Variants in PRKG1 observed in about 807,000 individuals in gnomAD.
The protein encoded by PRKG1 is protein kinase cGMP-dependent 1.
PRKG1 carries 35 observed loss-of-function variants against 88.1 expected under a neutral mutation model. The observed-to-expected ratio is 0.40, with a 90% CI of 0.30 to 0.53. PRKG1 has a LOEUF of 0.53. PRKG1 is among the 20% of genes least tolerant of loss of function. PRKG1 has a pLI of 0.59. For missense variants in PRKG1, 540 were observed against 839.8 expected (o/e 0.64, Z 4.41); for synonymous variants, 303 against 292.5 (o/e 1.04, Z -0.37).
chr10:51,784,703 C>T lies in PRKG1; in HGVS notation c.593-19882C>T, dbSNP rs112923087. Among the ~76,000 whole-genome samples the T allele has an allele frequency of 2.5e-3, 373 of 152,154 alleles. 4 individuals carry two copies. Among genetic ancestry groups the T allele is most frequent in the African/African-American group, 8.7e-3 (361 of 41,520 alleles). ...CATGCTTTATTCAGGCATTCACCTACAATATGATTACAGTATTGAACTTCC... is the reference window on the plus strand; with the variant it reads ...CATGCTTTATTCAGGCATTCACCTATAATATGATTACAGTATTGAACTTCC... On this transcript the variant is annotated intron_variant, in intron 3 of 17. Transcript: ENST00000373980.
At chr10:52,017,004 A>G (rs1287036543) in intron 5 of PRKG1, among the ~76,000 whole-genome samples, 2 of 152,178 alleles carry the variant, frequency 1.3e-5, no homozygotes, top group Admixed American at 1.3e-4. Context: ...ATAGTAGACA[A>G]AAAGACATGT....
At chr10:51,904,647 CTT>C (rs1176549674) in intron 4 of PRKG1, among the ~76,000 whole-genome samples, 1 of 151,992 alleles carries the variant, frequency 6.6e-6, no homozygotes, top group African/African-American at 2.4e-5. Flanking sequence ...AAATGGTTTT[CTT>C]TTTGTGAAGT....
At chr10:52,248,002 C>A (rs1216895786) in intron 9 of PRKG1, among the ~76,000 whole-genome samples, 4 of 152,202 alleles carry the variant, frequency 2.6e-5, no homozygotes, top group African/African-American at 9.6e-5. Context: ...CTAAAAGTAT[C>A]CCTTATGGGA....
intron 4 of PRKG1, among the ~76,000 whole-genome samples, chr10:51,888,408 C>T (rs982594007): frequency 1.3e-5 from 2 of 152,232 alleles, no homozygotes; most frequent in Non-Finnish European, 2.9e-5. Flanking sequence ...TCCCATCATA[C>T]TGTACTGTGA....
chr10:51,034,836 G>A (rs1034463578), intron 1 of PRKG1, among the ~76,000 whole-genome samples: 1 of 151,600 alleles, frequency 6.6e-6, no homozygotes, highest in Non-Finnish European at 1.5e-5. Flanking sequence ...ACAAAAGACT[G>A]ATATTGGGAG....
At chr10:52,262,049 G>A (rs1366491429) in intron 10 of PRKG1, among the ~76,000 whole-genome samples, 1 of 151,994 alleles carries the variant, frequency 6.6e-6, no homozygotes, top group East Asian at 1.9e-4. Flanking sequence ...AATTTAAACA[G>A]GTAGATTTGT....
intron 3 of PRKG1, among the ~76,000 whole-genome samples, chr10:51,573,181 T>C (rs10998253): frequency 0.074 from 11,188 of 151,790 alleles, 1,381 homozygotes; most frequent in African/African-American, 0.25. Flanking sequence ...GCATCCAGAT[T>C]AACAAAGAAC....
chr10:51,736,916 G>A (rs1232312496), intron 3 of PRKG1, among the ~76,000 whole-genome samples: 1 of 151,554 alleles, frequency 6.6e-6, no homozygotes, highest in Non-Finnish European at 1.5e-5. Context: ...GATTACAGAT[G>A]TGAGCCACAC....
chr10:51,014,304 C>T (rs577603950), intron 1 of PRKG1, among the ~76,000 whole-genome samples: 1 of 146,796 alleles, frequency 6.8e-6, no homozygotes, highest in South Asian at 2.2e-4. Context: ...GCTACTCCTG[C>T]ATGCAGGCAT....
intron 1 of PRKG1, among the ~76,000 whole-genome samples, chr10:51,135,624 G>A (rs990800367): frequency 4.6e-5 from 7 of 151,996 alleles, no homozygotes; most frequent in Admixed American, 2.6e-4. Flanking sequence ...ATGATAAGAC[G>A]GTGCATCAGC....
At chr10:52,106,222 A>G (rs1255047999) in intron 7 of PRKG1, among the ~76,000 whole-genome samples, 1 of 152,156 alleles carries the variant, frequency 6.6e-6, no homozygotes, top group Non-Finnish European at 1.5e-5. Flanking sequence ...TCCAGCACTG[A>G]ATTGGACCTG....
chr10:52,191,099 T>A (rs1220344370), intron 9 of PRKG1, among the ~76,000 whole-genome samples: 2 of 152,212 alleles, frequency 1.3e-5, no homozygotes, highest in Non-Finnish European at 2.9e-5. Context: ...ATGTTGGTTA[T>A]GTCTCTTTAG....
intron 2 of PRKG1, among the ~76,000 whole-genome samples, chr10:51,374,940 C>T (rs1355066864): frequency 6.6e-6 from 1 of 152,120 alleles, no homozygotes; most frequent in Non-Finnish European, 1.5e-5. Context: ...ATGTGGGCCT[C>T]TCCATATGGC....
chr10:51,218,263 G>T (rs766610791), intron 2 of PRKG1, among the ~76,000 whole-genome samples: 106 of 151,886 alleles, frequency 7.0e-4, no homozygotes, highest in Non-Finnish European at 1.1e-3. Flanking sequence ...TAACAAAAAC[G>T]TTGCTCTAAG....
At chr10:51,623,915 G>A (rs540427054) in intron 3 of PRKG1, among the ~76,000 whole-genome samples, 1 of 152,128 alleles carries the variant, frequency 6.6e-6, no homozygotes, top group East Asian at 1.9e-4. Context: ...AATTTCTATT[G>A]TTCTTATGCT....
At chr10:51,136,382 G>A (rs576813087) in intron 1 of PRKG1, among the ~76,000 whole-genome samples, 41 of 152,138 alleles carry the variant, frequency 2.7e-4, no homozygotes, top group African/African-American at 9.9e-4. Context: ...GCTAGGGTGT[G>A]AGATATAGAT....
intron 5 of PRKG1, among the ~76,000 whole-genome samples, chr10:52,022,957 T>G (rs1304903546): frequency 6.6e-6 from 1 of 152,138 alleles, no homozygotes; most frequent in Non-Finnish European, 1.5e-5. Flanking sequence ...GGGGTACATG[T>G]GCAGAACATG....
intron 9 of PRKG1, among the ~76,000 whole-genome samples, chr10:52,242,592 C>CT (rs1438256648): frequency 2.0e-5 from 3 of 152,036 alleles, no homozygotes; most frequent in African/African-American, 7.2e-5. Context: ...ATTCATGGAC[C>CT]TTTTTTAGAA....
At chr10:51,281,789 TGTGA>T (rs1349758643) in intron 2 of PRKG1, among the ~76,000 whole-genome samples, 254 of 152,260 alleles carry the variant, frequency 1.7e-3, no homozygotes, top group African/African-American at 5.8e-3. Context: ...TGGACCAGAT[TGTGA>T]AGGGGCTTCT....
Sources: gnomAD v4.1 joint callset for allele counts (sites outside exome capture counted in the v4.1 genomes callset) on GRCh38, gnomAD v4.1.1 for gene constraint, MANE v1.5 for transcripts, NCBI Gene and HGNC (gene_info 2026-07-23, HGNC 2026-07-21) for gene names.